Variants in MARCHF10 observed in about 807,000 individuals in gnomAD.
MARCHF10 encodes the protein membrane associated ring-CH-type finger 10.
MARCHF10 carries 64 observed loss-of-function variants against 76.2 expected under a neutral mutation model. That is an observed-to-expected ratio of 0.84 (90% CI 0.69 to 1.03). The LOEUF (loss-of-function observed/expected upper bound fraction) is 1.03, where lower values mean the gene tolerates loss of function less well. MARCHF10 is among the 50% of genes least tolerant of loss of function. The pLI is 0.00. For missense variants in MARCHF10, 875 were observed against 958.0 expected (o/e 0.91, Z 1.14); for synonymous variants, 340 against 357.5 (o/e 0.95, Z 0.55).
intron 4 of MARCHF10, among the ~76,000 whole-genome samples, chr17:62,745,951 A>G (rs1427372789): frequency 6.6e-6 from 1 of 152,198 alleles, no homozygotes; most frequent in Non-Finnish European, 1.5e-5. Context: ...ACAGTTTGGA[A>G]ATTTCACAAA....
chr17:62,724,877 C>G, intron 7 of MARCHF10, 61 bp downstream of exon 7: 1 of 1,584,208 alleles, frequency 6.3e-7, no homozygotes, highest in South Asian at 1.1e-5. Flanking sequence ...GGGCCCACAC[C>G]GTGGTGCCTC....
At chr17:62,720,219 G>C (rs987385085) in intron 8 of MARCHF10, among the ~76,000 whole-genome samples, 1 of 152,214 alleles carries the variant, frequency 6.6e-6, no homozygotes, top group Non-Finnish European at 1.5e-5. Context: ...TCACCTTTGA[G>C]TATGTCTTGT....
rs778113898 is a variant in MARCHF10, at chr17:62,744,492, T to C, written c.419A>G (p.Lys140Arg). 3.7e-6 allele frequency: 6 copies of C among 1,614,068 alleles called. No homozygotes were observed. The African/African-American group carries it at 6.7e-5, about 18-fold the overall frequency. Residue 140 changes from lysine (K) to arginine (R), a missense_variant, in exon 5 of 11, where the codon AAG becomes AGG. Coordinates refer to ENST00000311269, the MANE Select transcript of MARCHF10 (RefSeq NM_152598.4). Reference protein sequence around the residue: ...QAPMVLLRKRKPNLRRFTVSP... With the variant: ...QAPMVLLRKRRPNLRRFTVSP... ...GACTGTAAATCTCCTCAGGTTTGGC[T>C]TCCTCTTTCTTAATAAAACCATTGG... is the stretch of plus-strand genomic sequence containing the variant.
intron 8 of MARCHF10, among the ~76,000 whole-genome samples, chr17:62,717,927 G>A (rs1455549723): frequency 6.6e-6 from 1 of 152,186 alleles, no homozygotes; most frequent in African/African-American, 2.4e-5. Context: ...AGGGTGCGGT[G>A]GGGCCGAGGA....
chr17:62,757,147 A>T (rs532599325), intron 4 of MARCHF10, among the ~76,000 whole-genome samples: 2 of 152,264 alleles, frequency 1.3e-5, no homozygotes, highest in Admixed American at 1.3e-4. Flanking sequence ...TTTTTCAGTA[A>T]AAGTCTGGTA....
intron 10 of MARCHF10, among the ~76,000 whole-genome samples, chr17:62,704,405 G>A (rs1245594245): frequency 6.6e-6 from 1 of 152,208 alleles, no homozygotes; most frequent in Non-Finnish European, 1.5e-5. Context: ...TTGCGCCCGG[G>A]CTGGGGCTCC....
intron 4 of MARCHF10, among the ~76,000 whole-genome samples, chr17:62,747,363 T>C (rs1030922768): frequency 3.9e-5 from 6 of 152,216 alleles, no homozygotes; most frequent in Admixed American, 1.3e-4. Context: ...TCTTAAATGA[T>C]TGCCAAAACC....
chr17:62,713,845 C>T (rs1345554671), intron 8 of MARCHF10, among the ~76,000 whole-genome samples: 1 of 152,132 alleles, frequency 6.6e-6, no homozygotes, highest in Non-Finnish European at 1.5e-5. Flanking sequence ...GGGGCGGGGA[C>T]ATTAAAAAGG....
rs1166939392 is a variant in MARCHF10 at position 62,711,527 on chromosome 17, C to T, written c.2215-183G>A. 1.3e-5 allele frequency among the ~76,000 whole-genome samples: 2 copies of T among 152,046 alleles called. No individual in the cohort carries two copies. Among genetic ancestry groups the T allele is most frequent in the Non-Finnish European group, 2.9e-5 (2 of 68,026 alleles). ...AGGAGATCCAGGGTAGAGGCCAGGG[C>T]AGCCACTCCCCTGGGATTTTTTACT... On this transcript the variant is annotated intron_variant, in intron 8 of 10. Coordinates refer to ENST00000311269, the MANE Select transcript of MARCHF10 (RefSeq NM_152598.4). The surrounding 1 kb of genome is among the most constrained non-coding windows in gnomAD (Gnocchi z 4.4).
At chr17:62,719,516 C>G (rs948739462) in intron 8 of MARCHF10, among the ~76,000 whole-genome samples, 1 of 151,970 alleles carries the variant, frequency 6.6e-6, no homozygotes, top group Non-Finnish European at 1.5e-5. Flanking sequence ...ATCTTTACTC[C>G]CCTTTAGGGA....
At chr17:62,771,059 G>A (rs1002508218) in intron 3 of MARCHF10, among the ~76,000 whole-genome samples, 2 of 151,938 alleles carry the variant, frequency 1.3e-5, no homozygotes, top group South Asian at 2.1e-4. Context: ...GTTTCATTGT[G>A]TTAGCCAGGA....
chr17:62,718,100 C>T (rs1415538388), intron 8 of MARCHF10, among the ~76,000 whole-genome samples: 1 of 152,194 alleles, frequency 6.6e-6, no homozygotes, highest in African/African-American at 2.4e-5. Flanking sequence ...TCTGCCCACA[C>T]TCTGTCTATG....
chr17:62,744,469 C>A lies in MARCHF10; in HGVS notation c.442G>T (p.Val148Phe). ...CTCGGGCTGTGCGATTCTGGGCTGA[C>A]TGTAAATCTCCTCAGGTTTGGCTTC... ...KRKPNLRRFT[V>F]SPESHSPRAS... The change falls in exon 5 of 11, where the codon GTC (valine) becomes TTC (phenylalanine). Residue 148 changes from valine to phenylalanine, a missense_variant. Physicochemically the swap from Val to Phe is conservative, Grantham distance 50 (BLOSUM62 -1). Coordinates refer to ENST00000311269, the MANE Select transcript of MARCHF10 (RefSeq NM_152598.4). 1 of 1,614,196 alleles carries A rather than the reference C, an allele frequency of 6.2e-7. No homozygotes were observed. The highest frequency in any genetic ancestry group is 8.5e-7 in the Non-Finnish European group (1 of 1,180,028).
intron 3 of MARCHF10, among the ~76,000 whole-genome samples, chr17:62,777,781 G>A (rs1266747205): frequency 2.7e-5 from 4 of 150,942 alleles, no homozygotes; most frequent in Non-Finnish European, 1.5e-5. Flanking sequence ...GCCCTGAGCT[G>A]CCACTCTGGG....
intron 4 of MARCHF10, among the ~76,000 whole-genome samples, chr17:62,748,527 AG>A (rs2091787598): frequency 6.6e-6 from 1 of 152,348 alleles, no homozygotes; most frequent in East Asian, 1.9e-4. Flanking sequence ...ACTTGAGCCC[AG>A]GAGTTTGAGA....
At chr17:62,756,346 C>T (rs75288436) in intron 4 of MARCHF10, among the ~76,000 whole-genome samples, 6 of 151,942 alleles carry the variant, frequency 3.9e-5, no homozygotes, top group African/African-American at 1.5e-4. Flanking sequence ...CTTGGGAGGC[C>T]GGGGTCAGAG....
intron 3 of MARCHF10, among the ~76,000 whole-genome samples, chr17:62,775,494 A>G (rs1233665984): frequency 7.1e-6 from 1 of 140,194 alleles, no homozygotes; most frequent in African/African-American, 3.3e-5. Flanking sequence ...GTTTACCAAC[A>G]CTGTCAGCCA....
chr17:62,777,544 C>A (rs1221010809), intron 3 of MARCHF10, among the ~76,000 whole-genome samples: 1 of 151,590 alleles, frequency 6.6e-6, no homozygotes, highest in Non-Finnish European at 1.5e-5. Flanking sequence ...ATGGTGAAAT[C>A]CCATCTCTAC....
intron 3 of MARCHF10, among the ~76,000 whole-genome samples, chr17:62,769,577 C>T (rs538554259): frequency 8.5e-5 from 13 of 152,132 alleles, no homozygotes; most frequent in African/African-American, 3.1e-4. Flanking sequence ...ACATGCCTGG[C>T]TAATTTTTGT....
Sources: gnomAD v4.1 joint callset for allele counts (sites outside exome capture counted in the v4.1 genomes callset) on GRCh38, gnomAD v4.1.1 for gene constraint, Gnocchi (gnomAD v3.1) non-coding constraint, MANE v1.5 for transcripts, NCBI Gene and HGNC (gene_info 2026-07-23, HGNC 2026-07-21) for gene names.